FOXP2: variants seen among roughly 807,000 people sequenced by gnomAD.
FOXP2 encodes the protein forkhead box P2, also known as forkhead box protein P2.
A neutral mutation model predicts 115.8 loss-of-function variants in FOXP2; 12 were observed. That is an observed-to-expected ratio of 0.10 (90% CI 0.07 to 0.17). The LOEUF (loss-of-function observed/expected upper bound fraction) is 0.17. FOXP2 is among the 10% of genes least tolerant of loss of function. The pLI, the probability that FOXP2 is intolerant of heterozygous loss-of-function variation, is 1.00. For missense variants in FOXP2, 629 were observed against 843.5 expected, an observed-to-expected ratio of 0.75 and a Z score of 3.15; for synonymous variants, 328 against 297.7, an observed-to-expected ratio of 1.10 and a Z score of -1.05.
At chr7:114,488,701 AGGTTTAAGCTCTACC>A (rs1271093385) in intron 2 of FOXP2, among the ~76,000 whole-genome samples, 4 of 152,178 alleles carry the variant, frequency 2.6e-5, no homozygotes, top group Non-Finnish European at 5.9e-5. Context: ...TTGGAGTTCA[AGGTTTAAGCTCTACC>A]TTTGGCCTAA....
chr7:114,571,414 C>A (rs1336805985), intron 3 of FOXP2, among the ~76,000 whole-genome samples: 1 of 151,786 alleles, frequency 6.6e-6, no homozygotes, highest in Non-Finnish European at 1.5e-5. Flanking sequence ...GGATAGTAAT[C>A]CTCAAGTCTC....
chr7:114,308,216 A>T lies in FOXP2; in HGVS notation c.-11+20107A>T, dbSNP rs185482116. Among the ~76,000 whole-genome samples the T allele has an allele frequency of 2.1e-3, 321 of 152,228 alleles. 1 individual carries two copies. The highest frequency in any genetic ancestry group is 3.3e-3 in the Admixed American group (50 of 15,282). On this transcript the variant is annotated intron_variant, in intron 2 of 17. Coordinates refer to the FOXP2 transcript ENST00000634411. ...AGAAGAACTTTTGTACAAAATAGAA[A>T]CCTATGATAAACCCACCTTGGTCCT... is the stretch of plus-strand genomic sequence containing the variant.
At chr7:114,659,044 G>A (rs1031271782) in intron 11 of FOXP2, among the ~76,000 whole-genome samples, 1 of 152,016 alleles carries the variant, frequency 6.6e-6, no homozygotes, top group African/African-American at 2.4e-5. Context: ...TATAGCAGGG[G>A]GGCAAAAGTC....
intron 2 of FOXP2, among the ~76,000 whole-genome samples, chr7:114,441,080 C>T (rs1309825457): frequency 6.6e-6 from 1 of 152,096 alleles, no homozygotes; most frequent in East Asian, 1.9e-4. Context: ...CAATAAATGT[C>T]CTGTTTTTTA....
chr7:114,159,512 GT>G (rs1484519197), upstream of FOXP2, among the ~76,000 whole-genome samples: 4 of 142,698 alleles, frequency 2.8e-5, no homozygotes, highest in Non-Finnish European at 6.2e-5. Flanking sequence ...GAAAAAAACA[GT>G]AATTTATTTA....
intron 1 of FOXP2, among the ~76,000 whole-genome samples, chr7:114,132,056 T>A (rs909602346): frequency 6.6e-6 from 1 of 152,142 alleles, no homozygotes; most frequent in Non-Finnish European, 1.5e-5. Context: ...AAAAAAACGC[T>A]TTGTTAAACT....
rs535995099 is a variant in FOXP2 at position 114,468,860 on chromosome 7, G to T, written c.168+42181G>T. Among the ~76,000 whole-genome samples the T allele has an allele frequency of 6.6e-5, 10 of 152,106 alleles. 1 individual carries two copies. Among genetic ancestry groups the T allele is most frequent in the East Asian group, 5.8e-4 (3 of 5,166 alleles). On this transcript the variant is annotated intron_variant, in intron 2 of 16. Transcript: ENST00000350908. ...TAACACAGAATCTGACATGTAATAAGTGCTCAATAAATATTTCATTTACTT... is the reference window on the plus strand; with the variant it reads ...TAACACAGAATCTGACATGTAATAATTGCTCAATAAATATTTCATTTACTT...
At chr7:114,313,518 G>A (rs1344144193) in intron 2 of FOXP2, among the ~76,000 whole-genome samples, 1 of 54,138 alleles carries the variant, frequency 1.8e-5, no homozygotes, top group Admixed American at 1.2e-4. Context: ...GGCCGAGGCG[G>A]GCGGATCACG....
At chr7:114,132,490 A>G (rs1288837367) in intron 1 of FOXP2, among the ~76,000 whole-genome samples, 1 of 151,782 alleles carries the variant, frequency 6.6e-6, no homozygotes, top group Non-Finnish European at 1.5e-5. Flanking sequence ...AAGATAAAGA[A>G]TATAAGATCA....
At position 114,690,111 on chromosome 7, in the gene FOXP2, TTTCTTC is replaced by T. The variant is rs770516756; in HGVS notation, c.*200_*205del. 3 of 677,784 alleles carry T rather than the reference TTTCTTC, an allele frequency of 4.4e-6. No individual in the cohort carries two copies. The highest frequency in any genetic ancestry group is 1.6e-5 in the South Asian group (1 of 61,270). 42.0% of individuals were successfully genotyped at this position (677,784 alleles called of 1,614,324 possible). On this transcript the variant is annotated 3_prime_UTR_variant, in exon 17 of 17. Coordinates refer to ENST00000350908, the MANE Select transcript of FOXP2 (RefSeq NM_014491.4). ...CAGTACCAACAGGCAAATTGCTTGT[TTTCTTC>T]TTCTTCTTCTTCTTTTTTTTTTTTT...
At chr7:114,600,259 T>C (rs1292016407) in intron 3 of FOXP2, among the ~76,000 whole-genome samples, 3 of 152,224 alleles carry the variant, frequency 2.0e-5, no homozygotes, top group African/African-American at 7.2e-5. Flanking sequence ...TGTCTTATAG[T>C]TGGAATCATA....
chr7:114,474,028 C>T (rs1490625514), intron 2 of FOXP2, among the ~76,000 whole-genome samples: 2 of 152,118 alleles, frequency 1.3e-5, no homozygotes, highest in South Asian at 2.1e-4. Context: ...TACATTTTCA[C>T]CACCCTTCTT....
Position 114,499,250 on chromosome 7 carries a change from C to T in FOXP2, c.169-35367C>T, listed in dbSNP as rs950445512. On this transcript the variant is annotated intron_variant, in intron 2 of 16. Transcript: ENST00000350908. ...TGGAGGATTGCATGCAGGATACACA[C>T]TTCATTAAATCCTCTAAAATCTAAC... The T allele has an allele frequency of 4.1e-5, 10 of 246,832 alleles. No homozygotes were observed. The Admixed American group carries it at 4.1e-4, about 10-fold the overall frequency. The allele number at this position is 246,832 out of a possible 1,614,324, so 15.3% of individuals were successfully genotyped here.
At chr7:114,139,988 C>T (rs1792159584) in intron 1 of FOXP2, among the ~76,000 whole-genome samples, 1 of 152,062 alleles carries the variant, frequency 6.6e-6, no homozygotes, top group Non-Finnish European at 1.5e-5. Flanking sequence ...TGGCAGGCGC[C>T]TGTAATCCCA....
rs769286680 is a variant in FOXP2 at position 114,691,525 on chromosome 7, A to C, written c.*1599A>C. The C allele has an allele frequency of 4.4e-6, 2 of 453,890 alleles. No individual in the cohort carries two copies. Among genetic ancestry groups the C allele is most frequent in the Non-Finnish European group, 8.8e-6 (2 of 226,770 alleles). The allele number at this position is 453,890 out of a possible 1,614,324, so 28.1% of individuals were successfully genotyped here. On this transcript the variant is annotated 3_prime_UTR_variant, in exon 17 of 17. Transcript: ENST00000350908. ...AATTGTTGGAATGCTGGTTTTCTTG[A>C]CAATTCCAAACCCCAAAACTATGAT...
intron 1 of FOXP2, among the ~76,000 whole-genome samples, chr7:114,194,879 A>T (rs886530654): frequency 4.6e-5 from 7 of 152,216 alleles, no homozygotes; most frequent in African/African-American, 1.7e-4. Flanking sequence ...GATATAGGAC[A>T]TAATAAATAA....
intron 1 of FOXP2, among the ~76,000 whole-genome samples, chr7:114,222,306 C>T (rs547491744): frequency 1.4e-4 from 21 of 152,242 alleles, no homozygotes; most frequent in Admixed American, 2.6e-4. Context: ...CAGGCATGTG[C>T]CTGCATGGCT....
At chr7:114,561,210 G>T (rs1158626802) in intron 3 of FOXP2, 1 of 152,208 alleles carries the variant, frequency 6.6e-6, no homozygotes, top group Non-Finnish European at 1.5e-5. Flanking sequence ...AAATAGAGAA[G>T]TATATGCTGG....
intron 2 of FOXP2, among the ~76,000 whole-genome samples, chr7:114,333,144 C>T (rs944879278): frequency 2.0e-5 from 3 of 152,000 alleles, no homozygotes; most frequent in Non-Finnish European, 2.9e-5. Flanking sequence ...GCCAGTGACT[C>T]CATGCCTCAT....
Sources: gnomAD v4.1 joint callset for allele counts (sites outside exome capture counted in the v4.1 genomes callset) on GRCh38, gnomAD v4.1.1 for gene constraint, MANE v1.5 for transcripts, NCBI Gene and HGNC (gene_info 2026-07-23, HGNC 2026-07-21) for gene names.